Variants in VPS41 observed in about 807,000 individuals in gnomAD.
VPS41 encodes VPS41 subunit of HOPS complex, also known as vacuolar protein sorting-associated protein 41 homolog.
Under a neutral mutation model 130.9 loss-of-function variants are expected in VPS41, and 85 were observed. The observed-to-expected ratio is 0.65, with a 90% CI of 0.55 to 0.78. The LOEUF is 0.78. Among genes scored for constraint, VPS41 ranks in the 30% least tolerant of loss-of-function variants. The pLI, the probability that VPS41 is intolerant of heterozygous loss-of-function variation, is 0.00. For synonymous variants in VPS41, 335 were observed against 332.9 expected (o/e 1.01, Z -0.07); for missense variants, 874 against 1,018.7 (o/e 0.86, Z 1.93).
chr7:38,883,680 G>T (rs1407471276), intron 2 of VPS41, among the ~76,000 whole-genome samples: 2 of 137,170 alleles, frequency 1.5e-5, no homozygotes. Flanking sequence ...AACCAATCTT[G>T]GACTGCCTAA....
At chr7:38,904,377 T>C (rs1478841546) in intron 1 of VPS41, among the ~76,000 whole-genome samples, 2 of 152,332 alleles carry the variant, frequency 1.3e-5, no homozygotes, top group East Asian at 1.9e-4. Context: ...ACATTTTAGT[T>C]ACATGATGGG....
At chr7:38,797,474 A>G (rs1784643905) in intron 7 of VPS41, among the ~76,000 whole-genome samples, 2 of 152,320 alleles carry the variant, frequency 1.3e-5, no homozygotes, top group South Asian at 4.1e-4. Flanking sequence ...TTTAATATAA[A>G]ATATAACTGG....
intron 2 of VPS41, among the ~76,000 whole-genome samples, chr7:38,883,135 C>T (rs1786648507): frequency 6.6e-6 from 1 of 152,264 alleles, no homozygotes; most frequent in Middle Eastern, 3.4e-3. Flanking sequence ...CCTAGCTATT[C>T]GAGAGGCTGA....
intron 27 of VPS41, among the ~76,000 whole-genome samples, chr7:38,727,684 C>T (rs541090245): frequency 7.6e-4 from 115 of 152,270 alleles, no homozygotes; most frequent in Non-Finnish European, 1.3e-3. Flanking sequence ...TAGAAAAGAA[C>T]CTAAGTAGAA....
chr7:38,795,768 C>T (rs1011521731), intron 8 of VPS41, among the ~76,000 whole-genome samples, 157 bp from the exon 9 acceptor site: 1 of 152,128 alleles, frequency 6.6e-6, no homozygotes, highest in African/African-American at 2.4e-5. Context: ...CCACACAAAC[C>T]CTGTGGGAAC....
chr7:38,873,810 CTA>C (rs978233482), intron 2 of VPS41, among the ~76,000 whole-genome samples: 2 of 152,178 alleles, frequency 1.3e-5, no homozygotes, highest in Non-Finnish European at 2.9e-5. Context: ...ATTCTAAACA[CTA>C]TCTGAAAATA....
intron 5 of VPS41, among the ~76,000 whole-genome samples, chr7:38,823,754 T>C (rs1274788800): frequency 2.0e-5 from 3 of 152,200 alleles, no homozygotes; most frequent in Non-Finnish European, 4.4e-5. Flanking sequence ...GGAGATAATA[T>C]AATGTAAAAC....
chr7:38,851,117 C>T (rs1404981228), intron 4 of VPS41, among the ~76,000 whole-genome samples: 1 of 152,202 alleles, frequency 6.6e-6, no homozygotes, highest in Non-Finnish European at 1.5e-5. Flanking sequence ...GTACAGGACA[C>T]TGAAAAGTTG....
At chr7:38,792,731 G>A (rs531084254) in intron 9 of VPS41, among the ~76,000 whole-genome samples, 71 of 152,264 alleles carry the variant, frequency 4.7e-4, no homozygotes, top group African/African-American at 1.7e-3. Flanking sequence ...TCAAAGCCCT[G>A]TGCTGGCTTC....
rs1795470985 is a variant in VPS41, at chr7:38,723,154, G to A, written c.*3092C>T. The A allele has an allele frequency of 6.6e-6, 1 of 152,176 alleles. No homozygotes were observed. The highest frequency in any genetic ancestry group is 1.5e-5 in the Non-Finnish European group (1 of 68,044). The allele number at this position is 152,176 out of a possible 1,614,324, so 9.4% of individuals were successfully genotyped here. ...TGAGTAGGCTGAGAAGGAGGAGGAA[G>A]GGGAGGGCCTGGTCTTGCCGTCTCA... On this transcript the variant is annotated 3_prime_UTR_variant, in exon 29 of 29. Transcript: ENST00000310301.
At chr7:38,861,330 G>A (rs1040386025) in intron 4 of VPS41, among the ~76,000 whole-genome samples, 26 of 152,104 alleles carry the variant, frequency 1.7e-4, no homozygotes, top group African/African-American at 5.6e-4. Flanking sequence ...GAGGGGGCAC[G>A]CACAACACCA....
At chr7:38,812,723 G>T (rs773396864) in intron 7 of VPS41, among the ~76,000 whole-genome samples, 2 of 151,928 alleles carry the variant, frequency 1.3e-5, no homozygotes, top group African/African-American at 2.4e-5. Flanking sequence ...AAAAATAGGC[G>T]AAGAATCTGA....
intron 7 of VPS41, among the ~76,000 whole-genome samples, chr7:38,810,634 G>C (rs1462253852): frequency 6.6e-6 from 1 of 152,114 alleles, no homozygotes; most frequent in Non-Finnish European, 1.5e-5. Flanking sequence ...TTGGCTGTCA[G>C]TCTAGAGATC....
chr7:38,817,858 C>T lies in VPS41; in HGVS notation c.409G>A (p.Val137Met), dbSNP rs144195455. 31 of 1,614,038 alleles carry T rather than the reference C, an allele frequency of 1.9e-5. No homozygotes were observed. The highest frequency in any genetic ancestry group is 6.7e-5 in the East Asian group (3 of 44,866). Residue 137 changes from valine (V) to methionine (M), a missense_variant, in exon 7 of 29, where the codon GTG (valine) becomes ATG (methionine). Coordinates refer to ENST00000310301, the MANE Select transcript of VPS41 (RefSeq NM_014396.4). ...IKIIAVHPHF[V>M]RSSCKQFVTG... Reference sequence around the variant, plus strand: ...ACAAACTGCTTGCAACTGGATCTCACGAAATGTGGGTGCACAGCAATAATC... The same window carrying T: ...ACAAACTGCTTGCAACTGGATCTCATGAAATGTGGGTGCACAGCAATAATC...
chr7:38,838,434 T>C (rs949085405), intron 4 of VPS41, among the ~76,000 whole-genome samples: 1 of 152,084 alleles, frequency 6.6e-6, no homozygotes, highest in Non-Finnish European at 1.5e-5. Flanking sequence ...CTGGCATAAA[T>C]GTGGGAAAGT....
Position 38,869,174 on chromosome 7 carries a change from G to A in VPS41, c.140C>T (p.Ala47Val). 1 of 1,608,032 alleles carries A rather than the reference G, an allele frequency of 6.2e-7. No individual in the cohort carries two copies. The highest frequency in any genetic ancestry group is 8.5e-7 in the Non-Finnish European group (1 of 1,176,304). Residue 47 changes from alanine to valine, a missense_variant, in exon 3 of 29, where the codon GCA (alanine) becomes GTA (valine). Physicochemically the swap from Ala to Val is moderately conservative, Grantham distance 64 (BLOSUM62 0). Transcript: ENST00000310301. ...NGVTEILQKD[A>V]ASCMTVHDKF... Reference sequence around the variant, plus strand: ...GTCATGGACTGTCATGCAGCTAGCTGCATCCTTCTGAAGTATTTCAGTTAC... The same window carrying A: ...GTCATGGACTGTCATGCAGCTAGCTACATCCTTCTGAAGTATTTCAGTTAC...
In VPS41 at chr7:38,796,754, G is replaced by A. The variant is rs1051661127; in HGVS notation, c.561C>T (p.Ala187=). Residue 187 remains alanine, a synonymous_variant, in exon 8 of 29, where the codon GCC becomes GCT. Coordinates refer to ENST00000310301, the MANE Select transcript of VPS41 (RefSeq NM_014396.4). ...GAGGCATATTTTTTACCATATTATT[G>A]GCCCAAGCAATCAGATGGCCTCTCC... The part of the protein sequence containing the change: ...VKWRGHLIAW[A]NNMGVKIFDI... 1 of 1,613,624 alleles carries A rather than the reference G, an allele frequency of 6.2e-7. No homozygotes were observed. Among genetic ancestry groups the A allele is most frequent in the Non-Finnish European group, 8.5e-7 (1 of 1,179,776 alleles).
chr7:38,854,149 A>G (rs1785929621), intron 4 of VPS41, among the ~76,000 whole-genome samples: 1 of 152,236 alleles, frequency 6.6e-6, no homozygotes, highest in Non-Finnish European at 1.5e-5. Context: ...GGGTTCAAAT[A>G]TAGAAAACAA....
intron 4 of VPS41, among the ~76,000 whole-genome samples, chr7:38,856,106 T>C (rs1785978411): frequency 6.6e-6 from 1 of 152,206 alleles, no homozygotes; most frequent in Non-Finnish European, 1.5e-5. Flanking sequence ...ATGTTGGCAC[T>C]AATCTCATCT....
Sources: gnomAD v4.1 joint callset for allele counts (sites outside exome capture counted in the v4.1 genomes callset) on GRCh38, gnomAD v4.1.1 for gene constraint, MANE v1.5 for transcripts, NCBI Gene and HGNC (gene_info 2026-07-23, HGNC 2026-07-21) for gene names.